Variants in NVL observed in about 807,000 individuals in gnomAD.
NVL encodes the protein nuclear valosin-containing protein-like.
NVL carries 84 observed loss-of-function variants against 110.2 expected under a neutral mutation model. That is an observed-to-expected ratio of 0.76 (90% CI 0.64 to 0.91). The LOEUF is 0.91. Ranked by LOEUF, NVL falls within the 40% of genes least tolerant of loss-of-function variation. NVL has a pLI of 0.00. For synonymous variants in NVL, 354 were observed against 361.1 expected, an observed-to-expected ratio of 0.98 and a Z score of 0.22; for missense variants, 882 against 1,035.9, an observed-to-expected ratio of 0.85 and a Z score of 2.04.
chr1:224,241,769 T>C (rs1661217175), intron 19 of NVL, among the ~76,000 whole-genome samples: 1 of 150,572 alleles, frequency 6.6e-6, no homozygotes, highest in Non-Finnish European at 1.5e-5. Flanking sequence ...GGCAGGAGAA[T>C]CGCTTGAACC....
At chr1:224,232,473 C>T (rs1255326290) in intron 21 of NVL, among the ~76,000 whole-genome samples, 1 of 152,158 alleles carries the variant, frequency 6.6e-6, no homozygotes, top group Non-Finnish European at 1.5e-5. Flanking sequence ...AACTCCTGGG[C>T]CTCACCCTCC....
At chr1:224,257,686 C>A (rs950320308) in intron 18 of NVL, among the ~76,000 whole-genome samples, 1 of 152,058 alleles carries the variant, frequency 6.6e-6, no homozygotes, top group Non-Finnish European at 1.5e-5. Flanking sequence ...CACCACCATG[C>A]CCATTTAATT....
intron 15 of NVL, among the ~76,000 whole-genome samples, chr1:224,283,954 G>A (rs1666621090): frequency 6.6e-6 from 1 of 152,110 alleles, no homozygotes; most frequent in African/African-American, 2.4e-5. Context: ...ATTTACTGAG[G>A]AGCTATAATT....
At chr1:224,278,898 G>C (rs1482026540) in intron 16 of NVL, among the ~76,000 whole-genome samples, 1 of 151,908 alleles carries the variant, frequency 6.6e-6, no homozygotes, top group Admixed American at 6.6e-5. Flanking sequence ...CTAATTTTAT[G>C]GGGTTTTTTT....
intron 18 of NVL, chr1:224,257,117 C>T: frequency 1.9e-6 from 1 of 527,370 alleles, no homozygotes; most frequent in Non-Finnish European, 3.9e-6. Flanking sequence ...AGACAGAATT[C>T]TTAGGTAGAA....
intron 9 of NVL, among the ~76,000 whole-genome samples, chr1:224,301,527 G>A (rs954205010): frequency 2.0e-5 from 3 of 152,078 alleles, no homozygotes; most frequent in Non-Finnish European, 4.4e-5. Context: ...ACTAGTCAGA[G>A]GAGGGAGACT....
intron 18 of NVL, among the ~76,000 whole-genome samples, chr1:224,254,843 T>C (rs1054645536): frequency 2.0e-5 from 3 of 151,736 alleles, no homozygotes; most frequent in African/African-American, 7.3e-5. Context: ...TTGGCAATTT[T>C]CAAGTACCTT....
intron 17 of NVL, 42 bp downstream of exon 17, chr1:224,275,297 T>G (rs952143495): frequency 1.2e-6 from 2 of 1,611,484 alleles, no homozygotes; most frequent in Non-Finnish European, 1.7e-6. Flanking sequence ...AAAGGTTTAT[T>G]GTGCTAAAAG....
chr1:224,296,450 CTA>C (rs1667893049), intron 11 of NVL, 49 bp downstream of exon 11: 1 of 950,764 alleles, frequency 1.1e-6, no homozygotes, highest in African/African-American at 1.7e-5. Flanking sequence ...ATTAATTACA[CTA>C]TTTTAAAAAA....
chr1:224,319,149 G>A lies in NVL; in HGVS notation c.132-1219C>T, dbSNP rs1240856185. ...CAGCCTGGGGACAGAGCAAGACTCC[G>A]TCTCAAAAAAAAAAAAAAAAAAAAA... On this transcript the variant is annotated intron_variant, in intron 2 of 22. Coordinates refer to ENST00000281701, the MANE Select transcript of NVL (RefSeq NM_002533.4). 4.4e-4 allele frequency among the ~76,000 whole-genome samples: 26 copies of A among 59,530 alleles called. No individual in the cohort carries two copies. The East Asian group carries it at 4.8e-3, about 11-fold the overall frequency. The allele number at this position is 59,530 out of a possible 152,430, so 39.1% of individuals were successfully genotyped here.
chr1:224,305,195 A>C (rs376914335), intron 6 of NVL, 29 bp from the exon 7 acceptor site: 108 of 1,582,248 alleles, frequency 6.8e-5, no homozygotes, highest in Non-Finnish European at 8.7e-5. Flanking sequence ...TAAATATGCC[A>C]TGCTTAAAAT....
chr1:224,270,855 T>TAATC (rs896212044), intron 17 of NVL, among the ~76,000 whole-genome samples: 3 of 152,186 alleles, frequency 2.0e-5, no homozygotes, highest in African/African-American at 7.2e-5. Flanking sequence ...AAGACAGGTA[T>TAATC]AATCCATTGT....
chr1:224,227,758 C>A, intron 22 of NVL, 88 bp from the exon 23 acceptor site: 1 of 1,243,144 alleles, frequency 8.0e-7, no homozygotes, highest in Non-Finnish European at 1.1e-6. Context: ...TGCTGCAGTC[C>A]GCACCCGCAG....
At chr1:224,297,468 AC>A (rs1353578207) in intron 10 of NVL, among the ~76,000 whole-genome samples, 34 of 152,154 alleles carry the variant, frequency 2.2e-4, no homozygotes, top group Non-Finnish European at 1.9e-4. Context: ...ATGGCCAGGG[AC>A]TGGTAGGAGA....
chr1:224,236,411 C>G, intron 20 of NVL, 95 bp downstream of exon 20: 1 of 922,122 alleles, frequency 1.1e-6, no homozygotes. Context: ...TTAATCCTCC[C>G]AACAATCTGC....
chr1:224,232,564 T>C (rs1286641742), intron 21 of NVL, among the ~76,000 whole-genome samples: 1 of 152,080 alleles, frequency 6.6e-6, no homozygotes, highest in Admixed American at 6.6e-5. Context: ...CTTGGTTTGT[T>C]GCGCAGGCTG....
At chr1:224,278,226 CTTTTTTTTTT>C (rs931102981) in intron 16 of NVL, among the ~76,000 whole-genome samples, 2 of 111,132 alleles carry the variant, frequency 1.8e-5, no homozygotes, top group Non-Finnish European at 3.6e-5. Flanking sequence ...ATCATCTAAT[CTTTTTTTTTT>C]TTTTTTTTTT....
intron 22 of NVL, among the ~76,000 whole-genome samples, chr1:224,230,619 A>G (rs1474992202): frequency 6.6e-6 from 1 of 152,088 alleles, no homozygotes; most frequent in Non-Finnish European, 1.5e-5. Flanking sequence ...AATAAAAAAA[A>G]AATCTGAGAT....
chr1:224,255,619 A>G (rs1663131330), intron 18 of NVL, among the ~76,000 whole-genome samples: 1 of 152,218 alleles, frequency 6.6e-6, no homozygotes. Context: ...TACACTGCCC[A>G]GGCTGGCCTC....
Sources: allele counts gnomAD v4.1 joint callset (sites outside exome capture counted in the v4.1 genomes callset), GRCh38; gene constraint gnomAD v4.1.1; transcripts MANE v1.5; gene names NCBI Gene and HGNC (gene_info 2026-07-23, HGNC 2026-07-21).